Variants in GRIK2 observed in about 807,000 individuals in gnomAD.
The protein encoded by GRIK2 is glutamate receptor ionotropic, kainate 2.
A neutral mutation model predicts 100.3 loss-of-function variants in GRIK2; 32 were observed. That is an observed-to-expected ratio of 0.32 (90% CI 0.24 to 0.43). The LOEUF is 0.43. GRIK2 is among the 20% of genes least tolerant of loss of function. The pLI is 1.00. For missense variants in GRIK2, 843 were observed against 1,114.9 expected, an observed-to-expected ratio of 0.76 and a Z score of 3.47; for synonymous variants, 417 against 389.4, an observed-to-expected ratio of 1.07 and a Z score of -0.83.
intron 14 of GRIK2, among the ~76,000 whole-genome samples, chr6:102,022,794 T>C (rs1562118587): frequency 6.6e-6 from 1 of 151,658 alleles, no homozygotes; most frequent in Non-Finnish European, 1.5e-5. Flanking sequence ...AGCAAATGGG[T>C]AGAAAACTAG....
chr6:101,448,849 A>T (rs568271773), intron 2 of GRIK2, among the ~76,000 whole-genome samples: 1 of 151,650 alleles, frequency 6.6e-6, no homozygotes, highest in East Asian at 1.9e-4. Context: ...AAAGTCCTTT[A>T]TAATCTCAAG....
At chr6:101,748,386 GTTAAA>G (rs1040282709) in intron 7 of GRIK2, among the ~76,000 whole-genome samples, 15 of 151,950 alleles carry the variant, frequency 9.9e-5, no homozygotes, top group African/African-American at 3.1e-4. Context: ...AATCATCCTT[GTTAAA>G]TTAAAGGACA....
intron 14 of GRIK2, among the ~76,000 whole-genome samples, chr6:101,930,841 T>A (rs993094230): frequency 1.3e-5 from 2 of 152,146 alleles, no homozygotes; most frequent in Non-Finnish European, 2.9e-5. Context: ...TCTCTTGTTT[T>A]TCTCTCAAAC....
chr6:101,836,685 A>G (rs1465675479), intron 10 of GRIK2, among the ~76,000 whole-genome samples: 1 of 12,400 alleles, frequency 8.1e-5, no homozygotes, highest in African/African-American at 1.5e-4. Flanking sequence ...TTTTTTTTTG[A>G]GACAGAGTCT....
chr6:101,532,394 T>C (rs940326630), intron 2 of GRIK2, among the ~76,000 whole-genome samples: 3 of 151,990 alleles, frequency 2.0e-5, no homozygotes, highest in South Asian at 2.1e-4. Flanking sequence ...TTATTGCATG[T>C]ACATGCCTGT....
intron 4 of GRIK2, among the ~76,000 whole-genome samples, chr6:101,635,885 G>T (rs1440543723): frequency 6.6e-6 from 1 of 152,162 alleles, no homozygotes; most frequent in Non-Finnish European, 1.5e-5. Context: ...AAATAGCAAT[G>T]CTTTTACACT....
intron 4 of GRIK2, among the ~76,000 whole-genome samples, chr6:101,642,997 A>G (rs528702020): frequency 6.6e-6 from 1 of 151,820 alleles, no homozygotes; most frequent in African/African-American, 2.4e-5. Context: ...ACACATTTCT[A>G]TATTCTTATT....
intron 2 of GRIK2, among the ~76,000 whole-genome samples, chr6:101,452,106 A>G (rs1235017164): frequency 6.6e-6 from 1 of 151,796 alleles, no homozygotes; most frequent in African/African-American, 2.4e-5. Context: ...AAAGTGACAC[A>G]AAGGCTAAAA....
intron 2 of GRIK2, among the ~76,000 whole-genome samples, chr6:101,450,869 A>G (rs1280224921): frequency 1.3e-5 from 2 of 151,728 alleles, no homozygotes; most frequent in Non-Finnish European, 3.0e-5. Flanking sequence ...GTGTGTGTTT[A>G]GCTCTGGCAG....
intron 2 of GRIK2, among the ~76,000 whole-genome samples, chr6:101,537,456 G>A (rs918037439): frequency 7.1e-6 from 1 of 141,440 alleles, no homozygotes; most frequent in African/African-American, 2.7e-5. Context: ...GTGTGTGTGC[G>A]TGTGTGTGTG....
intron 11 of GRIK2, among the ~76,000 whole-genome samples, chr6:101,862,942 A>T (rs141956306): frequency 0.011 from 1,680 of 152,102 alleles, 32 homozygotes; most frequent in African/African-American, 0.039. Flanking sequence ...TGATGACTTG[A>T]AATTTTTTGG....
intron 2 of GRIK2, among the ~76,000 whole-genome samples, chr6:101,546,661 A>G (rs908856790): frequency 6.6e-6 from 1 of 152,048 alleles, no homozygotes. Flanking sequence ...AATATAGAAC[A>G]ATGCCTGACA....
intron 7 of GRIK2, among the ~76,000 whole-genome samples, chr6:101,783,210 G>A (rs73512732): frequency 0.012 from 1,781 of 152,110 alleles, 29 homozygotes; most frequent in African/African-American, 0.041. Flanking sequence ...GGACCTAGTG[G>A]GAGATAATTA....
intron 2 of GRIK2, among the ~76,000 whole-genome samples, chr6:101,614,418 T>C (rs888786899): frequency 2.0e-5 from 3 of 151,744 alleles, no homozygotes; most frequent in African/African-American, 7.2e-5. Context: ...TTATGATACT[T>C]CTTTCATACC....
chr6:101,763,428 G>A (rs1010912593), intron 7 of GRIK2, among the ~76,000 whole-genome samples: 1 of 152,196 alleles, frequency 6.6e-6, no homozygotes, highest in Non-Finnish European at 1.5e-5. Context: ...CTAGCTGTTT[G>A]AATGTGTTAT....
intron 7 of GRIK2, among the ~76,000 whole-genome samples, chr6:101,767,197 T>C (rs894501521): frequency 5.3e-5 from 8 of 152,226 alleles, no homozygotes; most frequent in Non-Finnish European, 1.0e-4. Context: ...ATCAGCACAA[T>C]ACTTTTATAA....
intron 14 of GRIK2, among the ~76,000 whole-genome samples, chr6:102,004,331 T>C (rs776536673): frequency 1.3e-5 from 2 of 148,772 alleles, no homozygotes; most frequent in Non-Finnish European, 1.5e-5. Flanking sequence ...CAGATCATAA[T>C]AACAAACTGA....
At chr6:101,444,182 G>A (rs1770240183) in intron 2 of GRIK2, among the ~76,000 whole-genome samples, 1 of 151,798 alleles carries the variant, frequency 6.6e-6, no homozygotes, top group Non-Finnish European at 1.5e-5. Flanking sequence ...GCCTCCCAAA[G>A]TGCTGAGATT....
intron 2 of GRIK2, among the ~76,000 whole-genome samples, chr6:101,436,258 TTTTTTCAAACTCTG>T (rs1416013559): frequency 6.6e-6 from 1 of 152,146 alleles, no homozygotes; most frequent in African/African-American, 2.4e-5. Flanking sequence ...GTTCAAGTTA[TTTTTTCAAACTCTG>T]TTTTCAGAGG....
Sources: allele counts gnomAD v4.1 joint callset (sites outside exome capture counted in the v4.1 genomes callset), GRCh38; gene constraint gnomAD v4.1.1; transcripts MANE v1.5; gene names NCBI Gene and HGNC (gene_info 2026-07-23, HGNC 2026-07-21).